CDH18: variants seen among roughly 807,000 people sequenced by gnomAD.
The protein encoded by CDH18 is cadherin-18.
CDH18 carries 31 observed loss-of-function variants against 67.9 expected under a neutral mutation model. The observed-to-expected ratio is 0.46, with a 90% CI of 0.34 to 0.62. The LOEUF is 0.62. Ranked by LOEUF, CDH18 falls within the 20% of genes least tolerant of loss-of-function variation. The pLI, the probability that CDH18 is intolerant of heterozygous loss-of-function variation, is 0.01. For synonymous variants in CDH18, 362 were observed against 347.2 expected, an observed-to-expected ratio of 1.04 and a Z score of -0.48; for missense variants, 890 against 975.5, an observed-to-expected ratio of 0.91 and a Z score of 1.17.
intron 1 of CDH18, among the ~76,000 whole-genome samples, chr5:20,322,615 C>T (rs1359254763): frequency 2.0e-5 from 3 of 152,148 alleles, no homozygotes; most frequent in Admixed American, 2.0e-4. Flanking sequence ...CACAAAAGTG[C>T]TCAATAGATG....
chr5:20,462,183 G>A (rs886881339), intron 1 of CDH18, among the ~76,000 whole-genome samples: 4 of 152,180 alleles, frequency 2.6e-5, no homozygotes, highest in Non-Finnish European at 4.4e-5. Context: ...AAGAGCATCT[G>A]TAAAAAATAA....
intron 2 of CDH18, among the ~76,000 whole-genome samples, chr5:20,203,259 A>G (rs766799737): frequency 1.3e-5 from 2 of 152,138 alleles, no homozygotes; most frequent in African/African-American, 2.4e-5. Context: ...GTTTACAGGG[A>G]TAAATATATC....
At chr5:19,474,377 T>TTA (rs1276039906) in intron 12 of CDH18, among the ~76,000 whole-genome samples, 3 of 152,186 alleles carry the variant, frequency 2.0e-5, no homozygotes, top group Non-Finnish European at 4.4e-5. Context: ...TGAATGTTCT[T>TTA]TATATAACTT....
At chr5:19,832,205 G>A (rs1324802983) in intron 3 of CDH18, among the ~76,000 whole-genome samples, 8 of 151,932 alleles carry the variant, frequency 5.3e-5, no homozygotes, top group South Asian at 2.1e-4. Context: ...CCTCAGCATC[G>A]CACAATATAT....
intron 5 of CDH18, among the ~76,000 whole-genome samples, chr5:19,713,233 C>T (rs1359066660): frequency 6.6e-6 from 1 of 151,944 alleles, no homozygotes; most frequent in Non-Finnish European, 1.5e-5. Context: ...AATTGACCAA[C>T]ATTGATTCTT....
rs1381910891 is a variant in CDH18 at position 20,068,690 on chromosome 5, T to C, written c.-517-76676A>G. Among the ~76,000 whole-genome samples, 3 of 152,252 alleles carry C rather than the reference T, an allele frequency of 2.0e-5. No individual in the cohort carries two copies. The East Asian group carries it at 5.8e-4, about 29-fold the overall frequency. ...TATTTTAAATATTTAATATCAAAGA[T>C]AAAATAGAGTTGGTGAAATATCTGT... On this transcript the variant is annotated intron_variant, in intron 2 of 14. Coordinates refer to the CDH18 transcript ENST00000507958.
At chr5:19,887,083 G>C (rs773246697) in intron 2 of CDH18, among the ~76,000 whole-genome samples, 4 of 151,614 alleles carry the variant, frequency 2.6e-5, no homozygotes, top group African/African-American at 9.7e-5. Flanking sequence ...GTGCCCACAT[G>C]TATATGCATT....
intron 2 of CDH18, among the ~76,000 whole-genome samples, chr5:20,216,884 A>G: frequency 6.6e-6 from 1 of 152,014 alleles, no homozygotes; most frequent in Non-Finnish European, 1.5e-5. Flanking sequence ...AAAGAGCAAG[A>G]GCAAGGCAAA....
chr5:20,386,542 T>C (rs1416561674), intron 1 of CDH18, among the ~76,000 whole-genome samples: 1 of 152,124 alleles, frequency 6.6e-6, no homozygotes, highest in Non-Finnish European at 1.5e-5. Flanking sequence ...TATATCCACA[T>C]ACGCCCCTTA....
intron 1 of CDH18, among the ~76,000 whole-genome samples, chr5:20,376,658 G>T (rs1743471226): frequency 6.6e-6 from 1 of 151,740 alleles, no homozygotes; most frequent in Non-Finnish European, 1.5e-5. Flanking sequence ...TTAGGAACAT[G>T]CCATGATGTT....
At chr5:19,962,761 C>G (rs1411584401) in intron 2 of CDH18, among the ~76,000 whole-genome samples, 1 of 151,804 alleles carries the variant, frequency 6.6e-6, no homozygotes, top group Non-Finnish European at 1.5e-5. Flanking sequence ...GGGCAAGACT[C>G]GGTCTCAAAA....
chr5:19,478,900 A>G (rs1472478752), intron 12 of CDH18, among the ~76,000 whole-genome samples: 2 of 152,174 alleles, frequency 1.3e-5, no homozygotes, highest in Non-Finnish European at 2.9e-5. Context: ...TCTTCCATCC[A>G]TCATATGCAA....
intron 5 of CDH18, among the ~76,000 whole-genome samples, chr5:19,622,386 C>G (rs1031527118): frequency 6.6e-6 from 1 of 152,148 alleles, no homozygotes. Flanking sequence ...CTGTAGAGAA[C>G]CAACTATCAA....
At chr5:19,589,049 T>C (rs1206453892) in intron 7 of CDH18, among the ~76,000 whole-genome samples, 1 of 151,928 alleles carries the variant, frequency 6.6e-6, no homozygotes, top group Admixed American at 6.6e-5. Context: ...CTAGAAGATA[T>C]CTATTTAGTA....
intron 1 of CDH18, among the ~76,000 whole-genome samples, chr5:20,377,772 T>G (rs1217759923): frequency 6.6e-6 from 1 of 152,150 alleles, no homozygotes; most frequent in Non-Finnish European, 1.5e-5. Context: ...AAATTAAAAT[T>G]AAAAATGAGT....
At chr5:20,277,962 C>G (rs1283634550) in intron 1 of CDH18, among the ~76,000 whole-genome samples, 3 of 152,054 alleles carry the variant, frequency 2.0e-5, no homozygotes, top group Non-Finnish European at 2.9e-5. Context: ...TGAAACTACA[C>G]AGTCGGAGGA....
chr5:19,909,614 T>C (rs910980023), intron 2 of CDH18, among the ~76,000 whole-genome samples: 3 of 152,066 alleles, frequency 2.0e-5, no homozygotes, highest in African/African-American at 4.8e-5. Flanking sequence ...AGGAAACTTT[T>C]GGTGAATGCT....
At chr5:19,481,229 T>A (rs150020496) in intron 12 of CDH18, among the ~76,000 whole-genome samples, 6 of 152,282 alleles carry the variant, frequency 3.9e-5, no homozygotes, top group Admixed American at 3.9e-4. Context: ...TCTACATATA[T>A]TCTCTTGCTG....
chr5:19,937,942 C>A (rs550844090), intron 2 of CDH18, among the ~76,000 whole-genome samples: 1 of 146,372 alleles, frequency 6.8e-6, no homozygotes, highest in African/African-American at 2.6e-5. Flanking sequence ...ATGTCACTAA[C>A]CTTGAAAAAA....
Sources: allele counts gnomAD v4.1 joint callset (sites outside exome capture counted in the v4.1 genomes callset), GRCh38; gene constraint gnomAD v4.1.1; transcripts MANE v1.5; gene names NCBI Gene and HGNC (gene_info 2026-07-23, HGNC 2026-07-21).